Variants in SWT1 observed in about 807,000 individuals in gnomAD.
The protein encoded by SWT1 is transcriptional protein SWT1.
In SWT1, 33 loss-of-function variants were observed where a neutral mutation model predicts 107.3. The observed-to-expected ratio is 0.31, with a 90% CI of 0.23 to 0.41. The LOEUF is 0.41. Ranked by LOEUF, SWT1 falls within the 10% of genes least tolerant of loss-of-function variation. SWT1 has a pLI of 1.00. For synonymous variants in SWT1, 345 were observed against 348.3 expected (o/e 0.99, Z 0.11); for missense variants, 898 against 1,028.9 (o/e 0.87, Z 1.74).
chr1:185,200,815 GC>G (rs1657807722), intron 10 of SWT1, among the ~76,000 whole-genome samples: 1 of 152,218 alleles, frequency 6.6e-6, no homozygotes, highest in South Asian at 2.1e-4. Flanking sequence ...GAGCCGGCAG[GC>G]AGGAACGTTT....
In SWT1 at chr1:185,174,404, G is replaced by A. The variant is rs995458500; in HGVS notation, c.257G>A (p.Arg86Lys). ...LSVEIDTLRR[R>K]PKIGSSSQRP... ...GTAGAAATTGACACTCTCAGAAGGA[G>A]ACCAAAAATCGGTTCTTCATCCCAA... is the stretch of plus-strand genomic sequence containing the variant. Residue 86 changes from arginine (R) to lysine (K), a missense_variant, in exon 5 of 19, where the codon AGA becomes AAA. Physicochemically the swap from Arg to Lys is conservative, Grantham distance 26. Around this residue, in one of 6 missense-constraint regions of SWT1, gnomAD observed 382 missense variants for 362.4 expected, o/e 1.05. Transcript: ENST00000367500. 1 of 1,580,388 alleles carries A rather than the reference G, an allele frequency of 6.3e-7. No individual in the cohort carries two copies. Among genetic ancestry groups the A allele is most frequent in the South Asian group, 1.2e-5 (1 of 84,072 alleles).
intron 1 of SWT1, among the ~76,000 whole-genome samples, chr1:185,158,063 G>A (rs1331747625): frequency 6.6e-6 from 1 of 152,138 alleles, no homozygotes; most frequent in Non-Finnish European, 1.5e-5. Flanking sequence ...GGAGAGGGAA[G>A]CCCAATTTAG....
chr1:185,220,138 CAAAAAAAA>C (rs34674504), intron 14 of SWT1, among the ~76,000 whole-genome samples: 6 of 45,642 alleles, frequency 1.3e-4, no homozygotes, highest in Non-Finnish European at 1.8e-4. Flanking sequence ...GACCCTGTCT[CAAAAAAAA>C]AAAAAAAAAA....
At chr1:185,237,286 G>C (rs1003032170) in intron 16 of SWT1, among the ~76,000 whole-genome samples, 1 of 152,136 alleles carries the variant, frequency 6.6e-6, no homozygotes, top group Non-Finnish European at 1.5e-5. Context: ...CAATAGCAAA[G>C]ACTTGAAACC....
intron 15 of SWT1, among the ~76,000 whole-genome samples, chr1:185,230,936 A>G (rs1455643817): frequency 6.6e-6 from 1 of 152,060 alleles, no homozygotes; most frequent in Non-Finnish European, 1.5e-5. Flanking sequence ...TTTTCTAGAG[A>G]CAAGGTTGAA....
chr1:185,204,936 CT>C (rs923532744), intron 12 of SWT1, 73 bp downstream of exon 12: 29 of 893,996 alleles, frequency 3.2e-5, no homozygotes, highest in Non-Finnish European at 9.7e-6. Flanking sequence ...AGAAATATTA[CT>C]TGTATAAAAT....
At chr1:185,224,833 C>T (rs1282945918) in intron 15 of SWT1, among the ~76,000 whole-genome samples, 2 of 151,956 alleles carry the variant, frequency 1.3e-5, no homozygotes, top group African/African-American at 4.8e-5. Flanking sequence ...TTATTGAATT[C>T]ATTTATTATC....
chr1:185,183,568 C>T (rs1021187547), intron 7 of SWT1, among the ~76,000 whole-genome samples: 1 of 152,174 alleles, frequency 6.6e-6, no homozygotes, highest in Non-Finnish European at 1.5e-5. Context: ...CAGGCGTGAG[C>T]CACCAAGCCC....
chr1:185,275,955 C>A (rs1374092940), intron 17 of SWT1, among the ~76,000 whole-genome samples: 1 of 152,044 alleles, frequency 6.6e-6, no homozygotes, highest in Non-Finnish European at 1.5e-5. Flanking sequence ...CTTACTGTTT[C>A]CTTTTACTAA....
At chr1:185,257,436 C>T (rs1446059900) in intron 16 of SWT1, among the ~76,000 whole-genome samples, 1 of 152,134 alleles carries the variant, frequency 6.6e-6, no homozygotes, top group African/African-American at 2.4e-5. Context: ...CAGCGAGACT[C>T]CGTGGGCGTA....
intron 16 of SWT1, among the ~76,000 whole-genome samples, chr1:185,239,568 A>G (rs962343209): frequency 6.6e-6 from 1 of 152,070 alleles, no homozygotes; most frequent in Non-Finnish European, 1.5e-5. Context: ...GAAGAACTTC[A>G]ATTAGCTTAT....
chr1:185,168,273 A>C, intron 3 of SWT1, 67 bp from the exon 4 acceptor site: 1 of 968,074 alleles, frequency 1.0e-6, no homozygotes, highest in Admixed American at 3.8e-5. Flanking sequence ...CCTATTCACT[A>C]TCATAAACTG....
In SWT1 at chr1:185,180,517, AAAT is replaced by A. The variant is rs780243362; in HGVS notation, c.1026+71_1026+73del. The A allele has an allele frequency of 5.8e-4, 647 of 1,123,950 alleles. 2 individuals are homozygous for A. The highest frequency in any genetic ancestry group is 1.0e-3 in the Middle Eastern group (4 of 3,834). 69.6% of individuals were successfully genotyped at this position (1,123,950 alleles called of 1,614,324 possible). A position where few individuals can be genotyped will look rare whatever the true frequency, so the allele number is the denominator to read the frequency against. ...TAAGTCAGTTCCTACTTTTAATAAAAAATAATGACTGTAGAAACCCTGATAATA... is the reference window on the plus strand; with the variant it reads ...TAAGTCAGTTCCTACTTTTAATAAAAAATGACTGTAGAAACCCTGATAATA... On this transcript the variant is annotated intron_variant, in intron 6 of 18. Transcript: ENST00000367500.
chr1:185,196,004 C>G (rs1387541773), intron 10 of SWT1, among the ~76,000 whole-genome samples: 3 of 152,088 alleles, frequency 2.0e-5, no homozygotes, highest in Non-Finnish European at 1.5e-5. Flanking sequence ...TAATTAGATC[C>G]CATTTGTCAG....
At chr1:185,278,972 G>GGATTGATA (rs1395996092) in intron 18 of SWT1, among the ~76,000 whole-genome samples, 2 of 152,156 alleles carry the variant, frequency 1.3e-5, no homozygotes, top group African/African-American at 4.8e-5. Flanking sequence ...ATCAGATGTA[G>GGATTGATA]GATTGATAGT....
At chr1:185,181,621 T>A (rs979249350) in intron 6 of SWT1, among the ~76,000 whole-genome samples, 1 of 152,210 alleles carries the variant, frequency 6.6e-6, no homozygotes. Flanking sequence ...TGCAAGGAGC[T>A]TCACCTAGCT....
intron 9 of SWT1, among the ~76,000 whole-genome samples, chr1:185,189,804 T>C (rs1656792742): frequency 6.6e-6 from 1 of 150,610 alleles, no homozygotes; most frequent in South Asian, 2.1e-4. Context: ...TACATAAATA[T>C]ATATGAAATA....
chr1:185,246,261 T>C (rs1661599410), intron 16 of SWT1, among the ~76,000 whole-genome samples: 1 of 152,106 alleles, frequency 6.6e-6, no homozygotes, highest in South Asian at 2.1e-4. Flanking sequence ...TCTATCCTGA[T>C]TAGTATCACA....
At chr1:185,170,767 G>T (rs963490970) in intron 4 of SWT1, among the ~76,000 whole-genome samples, 4 of 152,188 alleles carry the variant, frequency 2.6e-5, no homozygotes, top group African/African-American at 9.7e-5. Context: ...ATGCAGCAGT[G>T]CTGAAGGAGC....
Sources: allele counts gnomAD v4.1 joint callset (sites outside exome capture counted in the v4.1 genomes callset), GRCh38; gene constraint gnomAD v4.1.1; regional missense constraint gnomAD v4.1.1; transcripts MANE v1.5; gene names NCBI Gene and HGNC (gene_info 2026-07-23, HGNC 2026-07-21).